The following IL1RAPL1 variants were observed in gnomAD, a reference collection of about 807,000 sequenced individuals.
IL1RAPL1 encodes the protein interleukin-1 receptor accessory protein-like 1.
A neutral mutation model predicts 48.4 loss-of-function variants in IL1RAPL1; 3 were observed. That is an observed-to-expected ratio of 0.06 (90% confidence interval 0.03 to 0.16). The LOEUF is 0.16. Ranked by LOEUF, IL1RAPL1 falls within the 10% of genes least tolerant of loss-of-function variation. The pLI is 1.00. For missense variants in IL1RAPL1, 349 were observed against 530.6 expected, an observed-to-expected ratio of 0.66 and a Z score of 3.36; for synonymous variants, 185 against 187.7, an observed-to-expected ratio of 0.99 and a Z score of 0.12.
At chrX:28,615,435 G>C (rs902306907) in intron 1 of IL1RAPL1, among the ~76,000 whole-genome samples, 1 of 109,371 alleles carries the variant, frequency 9.1e-6, no homozygotes, top group African/African-American at 3.3e-5. Context: ...ACTATAGCTC[G>C]ATTGTGTATA....
At chrX:29,359,483 A>G (rs975898107) in intron 3 of IL1RAPL1, among the ~76,000 whole-genome samples, 2 of 112,427 alleles carry the variant, frequency 1.8e-5, no homozygotes, top group Non-Finnish European at 3.8e-5. Flanking sequence ...TCATACCAGG[A>G]TCGTCTGCCA....
At chrX:28,765,780 T>A (rs1048434584) in intron 1 of IL1RAPL1, among the ~76,000 whole-genome samples, 1 of 112,316 alleles carries the variant, frequency 8.9e-6, no homozygotes, top group Admixed American at 9.5e-5. Flanking sequence ...ATAGCCACAC[T>A]TTTTGGAAAT....
At chrX:29,377,833 C>T (rs1933643242) in intron 3 of IL1RAPL1, among the ~76,000 whole-genome samples, 1 of 110,940 alleles carries the variant, frequency 9.0e-6, no homozygotes, top group African/African-American at 3.3e-5. Flanking sequence ...TGACTATGTG[C>T]CTTGGGGATG....
chrX:28,962,978 A>G (rs1174330605), intron 2 of IL1RAPL1, among the ~76,000 whole-genome samples: 1 of 108,739 alleles, frequency 9.2e-6, no homozygotes, highest in African/African-American at 3.4e-5. Flanking sequence ...GCATTTTTTA[A>G]TTCATGATTT....
intron 2 of IL1RAPL1, among the ~76,000 whole-genome samples, chrX:29,275,692 T>G (rs766600896): frequency 1.2e-4 from 13 of 112,054 alleles, no homozygotes; most frequent in Non-Finnish European, 2.3e-4. Context: ...CTCTCAGAAT[T>G]TATTCGTTTT....
At chrX:29,514,568 C>G (rs1435852562) in intron 5 of IL1RAPL1, among the ~76,000 whole-genome samples, 2 of 112,212 alleles carry the variant, frequency 1.8e-5, no homozygotes, top group Non-Finnish European at 3.8e-5. Flanking sequence ...CATGCCTCAG[C>G]ATCCCCAGTA....
chrX:29,766,327 CAAA>C (rs1220003136), intron 6 of IL1RAPL1, among the ~76,000 whole-genome samples: 574 of 25,600 alleles, frequency 0.022, 6 homozygotes, highest in South Asian at 0.046. Flanking sequence ...GACTCCGTCT[CAAA>C]AAAAAAAAAA....
intron 1 of IL1RAPL1, among the ~76,000 whole-genome samples, chrX:28,641,490 G>A (rs1934540806): frequency 1.8e-5 from 2 of 111,687 alleles, no homozygotes; most frequent in Admixed American, 9.5e-5. Context: ...TTGGTTCCAA[G>A]TCTTTGCTAG....
chrX:29,670,384 A>T (rs965775098), intron 6 of IL1RAPL1, among the ~76,000 whole-genome samples: 1 of 112,066 alleles, frequency 8.9e-6, no homozygotes, highest in African/African-American at 3.2e-5. Flanking sequence ...TAAATCCTTT[A>T]TTGTCACTCA....
chrX:29,527,690 C>G (rs1298564818), intron 5 of IL1RAPL1, among the ~76,000 whole-genome samples: 1 of 110,891 alleles, frequency 9.0e-6, no homozygotes, highest in Non-Finnish European at 1.9e-5. Context: ...ATACATTTTA[C>G]TATATTAAAA....
chrX:28,661,534 C>A (rs1354146503), intron 1 of IL1RAPL1, among the ~76,000 whole-genome samples: 1 of 111,159 alleles, frequency 9.0e-6, no homozygotes, highest in Non-Finnish European at 1.9e-5. Context: ...GTGAAAAAAT[C>A]TTTGAAATAG....
intron 2 of IL1RAPL1, among the ~76,000 whole-genome samples, chrX:29,190,222 T>C (rs905546432): frequency 8.9e-5 from 10 of 112,310 alleles, no homozygotes; most frequent in African/African-American, 2.9e-4. Context: ...AAGACATCTG[T>C]CCTTATGGAC....
chrX:29,725,111 G>GA (rs958903095), intron 6 of IL1RAPL1, among the ~76,000 whole-genome samples: 23 of 108,943 alleles, frequency 2.1e-4, no homozygotes, highest in Non-Finnish European at 4.2e-4. Flanking sequence ...AAGAAGGGCT[G>GA]AAAAAAAAAG....
chrX:29,367,034 A>G (rs188319002), intron 3 of IL1RAPL1, among the ~76,000 whole-genome samples: 45 of 111,739 alleles, frequency 4.0e-4, no homozygotes, highest in African/African-American at 1.1e-3. Flanking sequence ...ATCTAGTGAT[A>G]TAGTTTATTA....
chrX:29,656,078 G>A (rs1602348617), intron 5 of IL1RAPL1, among the ~76,000 whole-genome samples: 1 of 112,388 alleles, frequency 8.9e-6, no homozygotes, highest in East Asian at 2.8e-4. Flanking sequence ...TATATTGCAT[G>A]GGCTACTTTG....
intron 6 of IL1RAPL1, among the ~76,000 whole-genome samples, chrX:29,687,224 A>G (rs1926649700): frequency 8.9e-6 from 1 of 112,329 alleles, no homozygotes; most frequent in Non-Finnish European, 1.9e-5. Context: ...AGCGCTATCC[A>G]CAATAGCCTG....
chrX:28,691,210 C>T (rs371286429), intron 1 of IL1RAPL1, among the ~76,000 whole-genome samples: 34 of 110,991 alleles, frequency 3.1e-4, no homozygotes, highest in East Asian at 2.6e-3. Flanking sequence ...GAATTCTGGC[C>T]TCACCAACTT....
chrX:28,650,369 C>T (rs903905279), intron 1 of IL1RAPL1, among the ~76,000 whole-genome samples: 8 of 111,204 alleles, frequency 7.2e-5, no homozygotes, highest in Admixed American at 5.7e-4. Context: ...GAACAAGTCA[C>T]GTTTTACATG....
intron 9 of IL1RAPL1, among the ~76,000 whole-genome samples, chrX:29,951,685 A>G (rs1669268528): frequency 8.9e-6 from 1 of 112,259 alleles, no homozygotes; most frequent in Non-Finnish European, 1.9e-5. Flanking sequence ...TAAAGAAATG[A>G]GATTTTTATG....
Sources: gnomAD v4.1 joint callset for allele counts (sites outside exome capture counted in the v4.1 genomes callset) on GRCh38, gnomAD v4.1.1 for gene constraint, MANE v1.5 for transcripts, NCBI Gene and HGNC (gene_info 2026-07-23, HGNC 2026-07-21) for gene names.